Variants in PRKN observed in about 807,000 individuals in gnomAD.
The protein encoded by PRKN is parkin RBR E3 ubiquitin protein ligase.
PRKN carries 56 observed loss-of-function variants against 59.5 expected under a neutral mutation model. The observed-to-expected ratio is 0.94, with a 90% CI of 0.76 to 1.18. The LOEUF (loss-of-function observed/expected upper bound fraction) is 1.18. Ranked by LOEUF, PRKN falls within the 50% of genes most tolerant of loss-of-function variation. The pLI is 0.00. For synonymous variants in PRKN, 250 were observed against 222.1 expected, an observed-to-expected ratio of 1.13 and a Z score of -1.12; for missense variants, 657 against 596.4, an observed-to-expected ratio of 1.10 and a Z score of -1.06.
intron 7 of PRKN, among the ~76,000 whole-genome samples, chr6:161,686,776 A>C (rs779419081): frequency 1.3e-4 from 19 of 151,976 alleles, no homozygotes; most frequent in Non-Finnish European, 1.6e-4. Flanking sequence ...CTTAGCCCAG[A>C]CTCCCTATTC....
At chr6:161,596,525 G>T (rs940817341) in intron 7 of PRKN, among the ~76,000 whole-genome samples, 8 of 151,350 alleles carry the variant, frequency 5.3e-5, no homozygotes, top group Non-Finnish European at 1.2e-4. Flanking sequence ...TCCTCAACTT[G>T]TCTCCCACTT....
chr6:162,473,707 G>C (rs746195222), intron 1 of PRKN, among the ~76,000 whole-genome samples: 1 of 152,100 alleles, frequency 6.6e-6, no homozygotes, highest in Non-Finnish European at 1.5e-5. Context: ...TGTAATTACA[G>C]CACAACTCAG....
chr6:161,780,764 C>CAA (rs1324815601), intron 7 of PRKN, among the ~76,000 whole-genome samples: 2 of 151,530 alleles, frequency 1.3e-5, no homozygotes, highest in African/African-American at 4.8e-5. Flanking sequence ...GAGTAGGGAG[C>CAA]CATTATATTT....
chr6:161,954,321 G>T (rs1359930527), intron 6 of PRKN, among the ~76,000 whole-genome samples: 1 of 152,182 alleles, frequency 6.6e-6, no homozygotes, highest in Non-Finnish European at 1.5e-5. Flanking sequence ...CTGAGGTTTA[G>T]CCAAGAATGT....
chr6:162,005,949 A>G (rs899114747), intron 5 of PRKN, among the ~76,000 whole-genome samples: 9 of 151,206 alleles, frequency 6.0e-5, no homozygotes, highest in Non-Finnish European at 7.4e-5. Context: ...AGGATAGTGT[A>G]TATATATATA....
intron 7 of PRKN, among the ~76,000 whole-genome samples, chr6:161,747,816 A>C (rs755396610): frequency 2.6e-5 from 4 of 152,186 alleles, no homozygotes; most frequent in African/African-American, 4.8e-5. Context: ...AATTTAATGG[A>C]ATTTGGTAGA....
chr6:162,512,866 A>C (rs1016719892), intron 1 of PRKN, among the ~76,000 whole-genome samples: 1 of 152,212 alleles, frequency 6.6e-6, no homozygotes, highest in Admixed American at 6.5e-5. Context: ...CATTGCAATT[A>C]TTCAATTATA....
rs561328560 is a variant in PRKN, at chr6:161,699,351, C to A, written c.871+86421G>T. On this transcript the variant is annotated intron_variant, in intron 7 of 11. Coordinates refer to ENST00000366898, the MANE Select transcript of PRKN (RefSeq NM_004562.3). ...GTTATTCCACTCCTAAGTATTTACCCAATAGAAATTAAACCATATGTTCAT... is the reference window on the plus strand; with the variant it reads ...GTTATTCCACTCCTAAGTATTTACCAAATAGAAATTAAACCATATGTTCAT... Among the ~76,000 whole-genome samples the A allele has an allele frequency of 1.1e-3, 169 of 152,110 alleles. 1 individual carries two copies. The highest frequency in any genetic ancestry group is 2.6e-3 in the Admixed American group (40 of 15,254).
chr6:162,043,941 T>C (rs762976643), intron 5 of PRKN, among the ~76,000 whole-genome samples: 2 of 152,188 alleles, frequency 1.3e-5, no homozygotes, highest in African/African-American at 2.4e-5. Context: ...GACCACCAGA[T>C]GGCTGATCTT....
intron 3 of PRKN, among the ~76,000 whole-genome samples, chr6:162,234,775 G>A (rs914747644): frequency 1.3e-5 from 2 of 152,212 alleles, no homozygotes; most frequent in Admixed American, 6.5e-5. Context: ...GGCAGACTGT[G>A]GTGACAGACA....
chr6:162,554,152 T>C (rs1239881489), intron 1 of PRKN, among the ~76,000 whole-genome samples: 1 of 152,206 alleles, frequency 6.6e-6, no homozygotes. Flanking sequence ...AGCAGATCAA[T>C]GAATGAAGAT....
At chr6:162,081,504 A>C (rs1416603931) in intron 4 of PRKN, among the ~76,000 whole-genome samples, 2 of 152,090 alleles carry the variant, frequency 1.3e-5, no homozygotes, top group African/African-American at 4.8e-5. Context: ...ATATTGTGAA[A>C]GGAATGTTTT....
intron 5 of PRKN, among the ~76,000 whole-genome samples, chr6:162,052,758 A>G (rs1421536593): frequency 6.6e-6 from 1 of 151,232 alleles, no homozygotes; most frequent in Non-Finnish European, 1.5e-5. Context: ...TACCATATAC[A>G]TACATAGAAT....
At chr6:162,235,616 G>A (rs541482701) in intron 3 of PRKN, among the ~76,000 whole-genome samples, 1 of 152,038 alleles carries the variant, frequency 6.6e-6, no homozygotes, top group Non-Finnish European at 1.5e-5. Flanking sequence ...GACTAGCCTG[G>A]CCAACATGGC....
intron 1 of PRKN, among the ~76,000 whole-genome samples, chr6:162,675,579 CTAAAATAA>C (rs1779514398): frequency 6.6e-6 from 1 of 152,058 alleles, no homozygotes; most frequent in African/African-American, 2.4e-5. Context: ...AGTATGATAT[CTAAAATAA>C]CCAGTATGCA....
intron 6 of PRKN, among the ~76,000 whole-genome samples, chr6:161,875,914 T>C (rs917133856): frequency 2.6e-5 from 4 of 152,102 alleles, no homozygotes; most frequent in Admixed American, 6.5e-5. Context: ...GGTGCCGTTA[T>C]GTAACCCATG....
At chr6:161,771,408 C>T (rs943076055) in intron 7 of PRKN, among the ~76,000 whole-genome samples, 3 of 148,982 alleles carry the variant, frequency 2.0e-5, no homozygotes, top group Non-Finnish European at 4.5e-5. Flanking sequence ...AAAAGCACTG[C>T]TGTGCTTGAG....
intron 2 of PRKN, among the ~76,000 whole-genome samples, chr6:162,441,856 T>C (rs1350145049): frequency 6.6e-6 from 1 of 152,232 alleles, no homozygotes; most frequent in African/African-American, 2.4e-5. Context: ...GTTTTATGAA[T>C]CAGCACAAAT....
At chr6:162,049,581 A>G (rs1219110735) in intron 5 of PRKN, among the ~76,000 whole-genome samples, 1 of 152,150 alleles carries the variant, frequency 6.6e-6, no homozygotes. Context: ...CTTGATAAGA[A>G]TATCTTTGGG....
Sources: gnomAD v4.1 joint callset for allele counts (sites outside exome capture counted in the v4.1 genomes callset) on GRCh38, gnomAD v4.1.1 for gene constraint, MANE v1.5 for transcripts, NCBI Gene and HGNC (gene_info 2026-07-23, HGNC 2026-07-21) for gene names.